Variants in COL8A1 observed in about 807,000 individuals in gnomAD.
COL8A1 encodes the protein collagen alpha-1(VIII) chain.
Under a neutral mutation model 42.7 loss-of-function variants are expected in COL8A1, and 21 were observed. The observed-to-expected ratio is 0.49, with a 90% CI of 0.35 to 0.71. COL8A1 has a LOEUF of 0.71. Among genes scored for constraint, COL8A1 ranks in the 30% least tolerant of loss-of-function variants. COL8A1 has a pLI of 0.01. For missense variants in COL8A1, 788 were observed against 962.4 expected, an observed-to-expected ratio of 0.82 and a Z score of 2.40; for synonymous variants, 367 against 369.1, an observed-to-expected ratio of 0.99 and a Z score of 0.06.
chr3:99,697,079 C>T (rs971258415), intron 1 of COL8A1, among the ~76,000 whole-genome samples: 2 of 145,522 alleles, frequency 1.4e-5, no homozygotes, highest in African/African-American at 2.5e-5. Flanking sequence ...CTCCGCCTCC[C>T]GGGTTCACGC....
intron 1 of COL8A1, among the ~76,000 whole-genome samples, chr3:99,675,372 T>G (rs568925726): frequency 3.0e-4 from 46 of 152,236 alleles, no homozygotes; most frequent in African/African-American, 1.1e-3. Flanking sequence ...GGATGTTTTC[T>G]GAGGCATAAA....
At chr3:99,708,708 A>G (rs1606481) in intron 1 of COL8A1, among the ~76,000 whole-genome samples, 117,763 of 151,924 alleles carry the variant, frequency 0.78, 45,662 homozygotes, top group Middle Eastern at 0.83. Flanking sequence ...GACACCTCAC[A>G]GCAGAATTTC....
At chr3:99,727,925 T>C (rs1237450711) in intron 1 of COL8A1, among the ~76,000 whole-genome samples, 1 of 151,760 alleles carries the variant, frequency 6.6e-6, no homozygotes, top group Non-Finnish European at 1.5e-5. Context: ...GAAAAGGCCT[T>C]TGACAAAATT....
intron 1 of COL8A1, among the ~76,000 whole-genome samples, chr3:99,653,654 C>T (rs534762187): frequency 1.3e-5 from 2 of 151,332 alleles, no homozygotes; most frequent in Non-Finnish European, 2.9e-5. Context: ...AGTGTCTCAT[C>T]TAAGATCTTA....
At chr3:99,783,312 G>T (rs572686540) in intron 2 of COL8A1, among the ~76,000 whole-genome samples, 1 of 152,272 alleles carries the variant, frequency 6.6e-6, no homozygotes, top group Non-Finnish European at 1.5e-5. Context: ...AAGTTTCGTT[G>T]GTCCCATGAG....
chr3:99,769,409 C>A (rs1396086669), intron 2 of COL8A1, among the ~76,000 whole-genome samples: 1 of 152,216 alleles, frequency 6.6e-6, no homozygotes. Flanking sequence ...TGCTATCTGC[C>A]TCCTTGGTAG....
intron 1 of COL8A1, among the ~76,000 whole-genome samples, chr3:99,673,816 TG>T (rs1274343480): frequency 1.3e-5 from 2 of 152,054 alleles, no homozygotes; most frequent in Non-Finnish European, 2.9e-5. Context: ...TTGTGTGACG[TG>T]GGGAAGATTT....
At chr3:99,773,282 G>C (rs1358162723) in intron 2 of COL8A1, among the ~76,000 whole-genome samples, 1 of 152,104 alleles carries the variant, frequency 6.6e-6, no homozygotes, top group Non-Finnish European at 1.5e-5. Flanking sequence ...ACTTCAATTA[G>C]GCCATGGCAG....
At chr3:99,678,285 C>A (rs1938761351) in intron 1 of COL8A1, 2 of 152,030 alleles carry the variant, frequency 1.3e-5, no homozygotes. Flanking sequence ...GAGTCATTGG[C>A]CAGTGATAGT....
At chr3:99,724,337 C>G (rs1940240674) in intron 1 of COL8A1, among the ~76,000 whole-genome samples, 1 of 152,054 alleles carries the variant, frequency 6.6e-6, no homozygotes, top group African/African-American at 2.4e-5. Context: ...CTAAAATGCA[C>G]AGAAATCAAA....
At chr3:99,659,008 C>T (rs995529352) in intron 1 of COL8A1, among the ~76,000 whole-genome samples, 1 of 152,116 alleles carries the variant, frequency 6.6e-6, no homozygotes. Flanking sequence ...TTCAAGCCAG[C>T]ATTCTAGGTG....
At chr3:99,714,407 C>T (rs1380023945) in intron 1 of COL8A1, among the ~76,000 whole-genome samples, 2 of 152,058 alleles carry the variant, frequency 1.3e-5, no homozygotes, top group Non-Finnish European at 2.9e-5. Flanking sequence ...CCATAAAGTT[C>T]CCAGATTCTC....
At chr3:99,676,351 G>T (rs1283407487) in intron 1 of COL8A1, among the ~76,000 whole-genome samples, 2 of 151,924 alleles carry the variant, frequency 1.3e-5, no homozygotes, top group Admixed American at 1.3e-4. Flanking sequence ...CCAAAACCTG[G>T]CAAGAACATT....
chr3:99,778,007 G>A (rs1941726026), intron 2 of COL8A1, among the ~76,000 whole-genome samples: 1 of 152,184 alleles, frequency 6.6e-6, no homozygotes, highest in Non-Finnish European at 1.5e-5. Flanking sequence ...CACAGCAAGA[G>A]ACAGAAATTC....
At chr3:99,701,332 G>A (rs1378052323) in intron 1 of COL8A1, among the ~76,000 whole-genome samples, 1 of 152,176 alleles carries the variant, frequency 6.6e-6, no homozygotes, top group Non-Finnish European at 1.5e-5. Context: ...AAATAATGGT[G>A]CTAACTAGAG....
chr3:99,712,979 A>T (rs897873549), intron 1 of COL8A1, among the ~76,000 whole-genome samples: 1 of 152,114 alleles, frequency 6.6e-6, no homozygotes, highest in Non-Finnish European at 1.5e-5. Flanking sequence ...TAGAGAAAGG[A>T]AGGTTTTCAC....
intron 1 of COL8A1, among the ~76,000 whole-genome samples, chr3:99,722,315 A>G (rs1940178560): frequency 6.6e-6 from 1 of 152,112 alleles, no homozygotes; most frequent in African/African-American, 2.4e-5. Flanking sequence ...AAAAACTCTT[A>G]TATATGATAT....
At chr3:99,759,505 G>A (rs1941325497) in intron 2 of COL8A1, among the ~76,000 whole-genome samples, 2 of 151,978 alleles carry the variant, frequency 1.3e-5, no homozygotes, top group Non-Finnish European at 2.9e-5. Flanking sequence ...AAAATATCTG[G>A]GTAGATTTTT....
chr3:99,737,552 GC>G (rs1263250196), intron 1 of COL8A1, among the ~76,000 whole-genome samples: 2 of 151,902 alleles, frequency 1.3e-5, no homozygotes, highest in African/African-American at 4.8e-5. Flanking sequence ...TTGAATATTG[GC>G]CCCCACTCTC....
Sources: allele counts gnomAD v4.1 joint callset (sites outside exome capture counted in the v4.1 genomes callset), GRCh38; gene constraint gnomAD v4.1.1; transcripts MANE v1.5; gene names NCBI Gene and HGNC (gene_info 2026-07-23, HGNC 2026-07-21).